SLIT3: variants seen among roughly 807,000 people sequenced by gnomAD.
The protein encoded by SLIT3 is slit guidance ligand 3.
In SLIT3, 68 loss-of-function variants were observed where a neutral mutation model predicts 184.0. That is an observed-to-expected ratio of 0.37 (90% CI 0.30 to 0.45). The LOEUF is 0.45. Ranked by LOEUF, SLIT3 falls within the 20% of genes least tolerant of loss-of-function variation. SLIT3 has a pLI of 1.00. For missense variants in SLIT3, 1,707 were observed against 2,026.0 expected (o/e 0.84, Z 3.02); for synonymous variants, 831 against 828.6 (o/e 1.00, Z -0.05).
intron 20 of SLIT3, among the ~76,000 whole-genome samples, chr5:168,746,907 TGTG>T (rs1339848146): frequency 1.0e-5 from 1 of 96,522 alleles, no homozygotes; most frequent in African/African-American, 4.4e-5. Context: ...GGTGTGTGAG[TGTG>T]GTGGTGTGGG....
At chr5:169,214,442 T>C (rs1485270863) in intron 3 of SLIT3, among the ~76,000 whole-genome samples, 1 of 152,092 alleles carries the variant, frequency 6.6e-6, no homozygotes, top group Non-Finnish European at 1.5e-5. Flanking sequence ...AGTGAGGAAG[T>C]GGCAACAACC....
chr5:168,815,269 G>A (rs1757301760), intron 8 of SLIT3, among the ~76,000 whole-genome samples: 1 of 152,148 alleles, frequency 6.6e-6, no homozygotes, highest in Non-Finnish European at 1.5e-5. Context: ...GACTTTGGAG[G>A]GTCAGCCTTT....
At chr5:168,695,528 A>C (rs1240661056) in intron 28 of SLIT3, among the ~76,000 whole-genome samples, 1 of 152,214 alleles carries the variant, frequency 6.6e-6, no homozygotes, top group Non-Finnish European at 1.5e-5. Flanking sequence ...AATTCATGGA[A>C]TTCCAGTCTG....
intron 8 of SLIT3, among the ~76,000 whole-genome samples, chr5:168,814,359 G>A (rs1757260273): frequency 6.6e-6 from 1 of 152,132 alleles, no homozygotes; most frequent in African/African-American, 2.4e-5. Context: ...TACTGCCATT[G>A]CACTCCAGCC....
At chr5:169,086,139 C>T (rs1008749770) in intron 4 of SLIT3, among the ~76,000 whole-genome samples, 2 of 152,164 alleles carry the variant, frequency 1.3e-5, no homozygotes, top group Non-Finnish European at 2.9e-5. Context: ...CAGTCAAGGC[C>T]AAGGGGCACA....
intron 4 of SLIT3, among the ~76,000 whole-genome samples, chr5:168,921,752 C>T (rs770945575): frequency 4.3e-4 from 65 of 152,288 alleles, no homozygotes; most frequent in Non-Finnish European, 7.8e-4. Flanking sequence ...GTACCCAGAA[C>T]TGATTATCAT....
chr5:168,725,248 C>T (rs906737892), intron 20 of SLIT3, among the ~76,000 whole-genome samples: 3 of 152,174 alleles, frequency 2.0e-5, no homozygotes, highest in African/African-American at 7.2e-5. Flanking sequence ...CACTGACCTG[C>T]TCACCTAGGA....
chr5:169,060,650 A>G (rs1282790081), intron 4 of SLIT3, among the ~76,000 whole-genome samples: 3 of 152,174 alleles, frequency 2.0e-5, no homozygotes, highest in African/African-American at 7.2e-5. Context: ...CCTCTTCTCT[A>G]TTGCACCAAG....
chr5:168,856,810 C>T (rs536983864), intron 5 of SLIT3, among the ~76,000 whole-genome samples: 117 of 105,918 alleles, frequency 1.1e-3, no homozygotes, highest in South Asian at 3.5e-3. Flanking sequence ...TGTGTGTGCG[C>T]GCGCGCGCAC....
chr5:168,917,087 GT>G (rs1320964045), intron 4 of SLIT3, among the ~76,000 whole-genome samples: 1 of 152,194 alleles, frequency 6.6e-6, no homozygotes, highest in African/African-American at 2.4e-5. Context: ...CTAAATAGGA[GT>G]TTTTCTATCC....
At chr5:169,008,658 T>TTG (rs1756025441) in intron 4 of SLIT3, among the ~76,000 whole-genome samples, 1 of 138,786 alleles carries the variant, frequency 7.2e-6, no homozygotes, top group South Asian at 2.3e-4. Flanking sequence ...GCTGTTGTTG[T>TTG]TTTTTTTTAA....
chr5:168,721,720 G>T (rs1302829907), intron 23 of SLIT3, among the ~76,000 whole-genome samples: 1 of 152,162 alleles, frequency 6.6e-6, no homozygotes, highest in East Asian at 1.9e-4. Context: ...TAAGCTTTGT[G>T]TTCTTAAAAA....
At chr5:168,711,979 G>A (rs889475607) in intron 24 of SLIT3, among the ~76,000 whole-genome samples, 12 of 152,106 alleles carry the variant, frequency 7.9e-5, no homozygotes, top group African/African-American at 2.9e-4. Context: ...TATAATAAAA[G>A]GATAAAAATG....
intron 4 of SLIT3, among the ~76,000 whole-genome samples, chr5:168,952,460 C>T (rs114904928): frequency 1.5e-3 from 221 of 150,004 alleles, no homozygotes; most frequent in African/African-American, 5.2e-3. Context: ...CACCAGGCAC[C>T]CGGCCCTGTC....
At chr5:168,726,804 T>A (rs922925715) in intron 20 of SLIT3, among the ~76,000 whole-genome samples, 2 of 141,880 alleles carry the variant, frequency 1.4e-5, no homozygotes, top group Non-Finnish European at 3.1e-5. Context: ...GAAACCCCCC[T>A]CCTAAAAATA....
intron 20 of SLIT3, among the ~76,000 whole-genome samples, chr5:168,724,697 A>C (rs1763052391): frequency 6.6e-6 from 1 of 152,050 alleles, no homozygotes; most frequent in Admixed American, 6.5e-5. Flanking sequence ...GGACTTATAC[A>C]TTTCATGTTG....
chr5:169,239,222 C>T (rs1416222337), intron 3 of SLIT3, among the ~76,000 whole-genome samples: 3 of 152,058 alleles, frequency 2.0e-5, no homozygotes, highest in African/African-American at 7.2e-5. Flanking sequence ...TCCTTTTCAC[C>T]TATAACTGAA....
intron 4 of SLIT3, among the ~76,000 whole-genome samples, chr5:168,956,466 C>G (rs1381476689): frequency 2.6e-5 from 4 of 152,048 alleles, no homozygotes; most frequent in African/African-American, 9.7e-5. Context: ...TACCTTTTAC[C>G]TACAATGAGA....
chr5:169,242,158 A>G (rs1765424893), intron 3 of SLIT3, among the ~76,000 whole-genome samples: 1 of 152,236 alleles, frequency 6.6e-6, no homozygotes, highest in African/African-American at 2.4e-5. Context: ...AAACAGAACG[A>G]ATAACCAAAA....
Sources: allele counts gnomAD v4.1 joint callset (sites outside exome capture counted in the v4.1 genomes callset), GRCh38; gene constraint gnomAD v4.1.1; transcripts MANE v1.5; gene names NCBI Gene and HGNC (gene_info 2026-07-23, HGNC 2026-07-21).